Variants in PIAS1 observed in about 807,000 individuals in gnomAD.
PIAS1 encodes the protein protein inhibitor of activated STAT 1.
Under a neutral mutation model 71.3 loss-of-function variants are expected in PIAS1, and 6 were observed. The observed-to-expected ratio is 0.08, with a 90% CI of 0.05 to 0.17. The LOEUF (loss-of-function observed/expected upper bound fraction) is 0.17, where lower values mean the gene tolerates loss of function less well. Ranked by LOEUF, PIAS1 falls within the 10% of genes least tolerant of loss-of-function variation. The pLI, the probability that PIAS1 is intolerant of heterozygous loss-of-function variation, is 1.00. For synonymous variants in PIAS1, 303 were observed against 292.9 expected (o/e 1.03, Z -0.35); for missense variants, 555 against 793.6 (o/e 0.70, Z 3.61).
At chr15:68,144,552 A>C (rs1450791133) in intron 4 of PIAS1, among the ~76,000 whole-genome samples, 1 of 152,136 alleles carries the variant, frequency 6.6e-6, no homozygotes, top group Non-Finnish European at 1.5e-5. Flanking sequence ...TCAGGCAGCC[A>C]GGGTCCATGT....
At chr15:68,060,735 G>C (rs1236868652) in intron 1 of PIAS1, among the ~76,000 whole-genome samples, 1 of 151,632 alleles carries the variant, frequency 6.6e-6, no homozygotes. Context: ...CATTTAAATT[G>C]GGAGGTAACA....
At chr15:68,150,260 A>T (rs925310810) in intron 6 of PIAS1, among the ~76,000 whole-genome samples, 2 of 152,292 alleles carry the variant, frequency 1.3e-5, no homozygotes, top group Admixed American at 1.3e-4. Flanking sequence ...TGAAATAGGA[A>T]AGAAGTCTGA....
At chr15:68,106,738 C>G (rs1466201693) in intron 2 of PIAS1, among the ~76,000 whole-genome samples, 1 of 152,196 alleles carries the variant, frequency 6.6e-6, no homozygotes, top group East Asian at 1.9e-4. Flanking sequence ...AGAAAATAGC[C>G]TGATCTGTAG....
At chr15:68,126,557 C>A (rs2092651850) in intron 2 of PIAS1, among the ~76,000 whole-genome samples, 2 of 152,194 alleles carry the variant, frequency 1.3e-5, no homozygotes, top group Non-Finnish European at 2.9e-5. Flanking sequence ...ATTCTTATGC[C>A]TCAGCCTTCC....
intron 1 of PIAS1, among the ~76,000 whole-genome samples, chr15:68,065,393 C>T (rs2092006514): frequency 6.6e-6 from 1 of 151,816 alleles, no homozygotes; most frequent in Non-Finnish European, 1.5e-5. Context: ...GGTTCCAGAC[C>T]AGCCTGGACA....
At chr15:68,094,708 T>A (rs140127991) in intron 2 of PIAS1, among the ~76,000 whole-genome samples, 1 of 152,304 alleles carries the variant, frequency 6.6e-6, no homozygotes, top group East Asian at 1.9e-4. Context: ...GTTTTATGAT[T>A]CATTCTACTC....
intron 2 of PIAS1, among the ~76,000 whole-genome samples, chr15:68,092,292 C>T (rs552254855): frequency 1.2e-4 from 18 of 152,244 alleles, no homozygotes; most frequent in Admixed American, 2.0e-4. Flanking sequence ...CCCACCTCGC[C>T]TCCTGAGTAG....
intron 1 of PIAS1, among the ~76,000 whole-genome samples, chr15:68,069,519 T>A (rs1186723359): frequency 6.6e-6 from 1 of 152,076 alleles, no homozygotes; most frequent in Non-Finnish European, 1.5e-5. Flanking sequence ...AATTACATTC[T>A]AGGCTGGGCA....
chr15:68,071,004 T>G (rs1375021245), intron 1 of PIAS1, among the ~76,000 whole-genome samples: 1 of 152,166 alleles, frequency 6.6e-6, no homozygotes, highest in Non-Finnish European at 1.5e-5. Context: ...GTATTTCCTT[T>G]GAACAGCACT....
In PIAS1 at chr15:68,072,268, C is replaced by T. The variant is rs1422490563; in HGVS notation, c.25-14038C>T. Among the ~76,000 whole-genome samples the T allele has an allele frequency of 4.6e-5, 7 of 151,404 alleles. No individual in the cohort carries two copies. In the South Asian group the frequency reaches 8.4e-4, roughly 18 times the overall value. On this transcript the variant is annotated intron_variant, in intron 1 of 13. Transcript: ENST00000249636. The stretch of plus-strand genomic sequence containing the variant: ...AAAAAAAATTAGCTGGGCGTGGTGG[C>T]GGGCACCTGTAGTCCCAGCTACTCG...
chr15:68,062,214 A>G (rs1161486167), intron 1 of PIAS1, among the ~76,000 whole-genome samples: 1 of 152,236 alleles, frequency 6.6e-6, no homozygotes, highest in African/African-American at 2.4e-5. Flanking sequence ...TATAGAGATA[A>G]TAAGTGACTA....
intron 8 of PIAS1, among the ~76,000 whole-genome samples, chr15:68,170,262 C>G (rs2092983456): frequency 6.6e-6 from 1 of 152,126 alleles, no homozygotes; most frequent in Admixed American, 6.6e-5. Flanking sequence ...ACAAAAGCAT[C>G]ATAGGTGTGC....
rs979584082 is a variant in PIAS1 at position 68,187,568 on chromosome 15, TGCA to T, written c.1700_1702del (p.Ala567del). ...ATTACAACACCTCCTTGCTTGCCGC[TGCA>T]GCAGCAGCAGTTTCAGATGATCAAG... On this transcript the variant is annotated inframe_deletion, in exon 14 of 14. Coordinates refer to ENST00000249636, the MANE Select transcript of PIAS1 (RefSeq NM_016166.3). The surrounding 1 kb of genome is among the most constrained non-coding windows in gnomAD (Gnocchi z 5.3). The T allele has an allele frequency of 6.2e-7, 1 of 1,613,848 alleles. No homozygotes were observed. The highest frequency in any genetic ancestry group is 8.5e-7 in the Non-Finnish European group (1 of 1,179,720).
chr15:68,141,809 C>T (rs2092771943), intron 2 of PIAS1, 137 bp from the exon 3 acceptor site: 2 of 568,598 alleles, frequency 3.5e-6, no homozygotes, highest in East Asian at 2.8e-5. Flanking sequence ...TCTTATTTTT[C>T]AGTGCTTTAA....
Position 68,173,773 on chromosome 15 carries a change from A to G in PIAS1, c.1050A>G (p.Thr350=), listed in dbSNP as rs775058075. The G allele has an allele frequency of 6.9e-6, 11 of 1,583,494 alleles. No individual in the cohort carries two copies. The highest frequency in any genetic ancestry group is 3.4e-4 in the Middle Eastern group (2 of 5,964). ...TGACAATTCCGTGTCGGGCCCTTAC[A>G]TGTTCTCATCTACAATGTTTTGACG... ...MRLTIPCRAL[T]CSHLQCFDAT... Residue 350 remains threonine, a synonymous_variant, in exon 9 of 14, where the codon ACA becomes ACG. Coordinates refer to ENST00000249636, the MANE Select transcript of PIAS1 (RefSeq NM_016166.3). The surrounding 1 kb of genome is among the most constrained non-coding windows in gnomAD (Gnocchi z 4.3).
At chr15:68,146,084 C>T (rs2092805872) in intron 5 of PIAS1, among the ~76,000 whole-genome samples, 178 bp downstream of exon 5, 2 of 152,132 alleles carry the variant, frequency 1.3e-5, no homozygotes, top group East Asian at 3.8e-4. Context: ...GTGACATTAG[C>T]TTTGGGGACA....
chr15:68,180,556 T>C (rs533203692), intron 11 of PIAS1, among the ~76,000 whole-genome samples: 1 of 152,352 alleles, frequency 6.6e-6, no homozygotes, highest in South Asian at 2.1e-4. Flanking sequence ...AGTTATACTG[T>C]TCTCTCTTTA....
At chr15:68,121,795 C>T (rs997588739) in intron 2 of PIAS1, among the ~76,000 whole-genome samples, 3 of 152,032 alleles carry the variant, frequency 2.0e-5, no homozygotes, top group East Asian at 1.9e-4. Context: ...CCCTATTGAA[C>T]GTATTTGGAA....
At chr15:68,150,240 G>C (rs974990167) in intron 6 of PIAS1, among the ~76,000 whole-genome samples, 3 of 152,122 alleles carry the variant, frequency 2.0e-5, no homozygotes, top group Non-Finnish European at 4.4e-5. Flanking sequence ...AAGAAGGGGA[G>C]TGTTTTTGGT....
Sources: allele counts gnomAD v4.1 joint callset (sites outside exome capture counted in the v4.1 genomes callset), GRCh38; gene constraint gnomAD v4.1.1; non-coding constraint Gnocchi (gnomAD v3.1); transcripts MANE v1.5; gene names NCBI Gene and HGNC (gene_info 2026-07-23, HGNC 2026-07-21).